The following ADAMTS8 variants were observed in gnomAD, a reference collection of about 807,000 sequenced individuals.
ADAMTS8 encodes the protein A disintegrin and metalloproteinase with thrombospondin motifs 8.
In ADAMTS8, 50 loss-of-function variants were observed where a neutral mutation model predicts 64.4. The observed-to-expected ratio is 0.78, with a 90% confidence interval of 0.62 to 0.98. ADAMTS8 has a LOEUF of 0.98. Among genes scored for constraint, ADAMTS8 ranks in the 50% least tolerant of loss-of-function variants. The probability of loss-of-function intolerance (pLI) is 0.00; values close to 1 mark genes in which losing one functional copy is unlikely to be tolerated. For missense variants in ADAMTS8, 1,192 were observed against 1,208.2 expected (o/e 0.99, Z 0.20); for synonymous variants, 556 against 533.6 (o/e 1.04, Z -0.58).
rs976624815 is a variant in ADAMTS8, at chr11:130,405,798, A to T, written c.2430T>A (p.Asn810Lys). Residue 810 changes from asparagine (N) to lysine (K), a missense_variant, in exon 9 of 9, where the codon AAT (asparagine) becomes AAA (lysine). Physicochemically the swap from Asn to Lys is moderately conservative, Grantham distance 94 (BLOSUM62 0). Around this residue, in one of 5 missense-constraint regions of ADAMTS8, gnomAD observed 147 missense variants for 154.1 expected, o/e 0.95. Transcript: ENST00000257359. ...TGCTCTGCATGCTAAAGTCCACGTCATTAGGAACAAAGAAGGTGTATTTGA... is the reference window on the plus strand; with the variant it reads ...TGCTCTGCATGCTAAAGTCCACGTCTTTAGGAACAAAGAAGGTGTATTTGA... ...PKVKYTFFVP[N>K]DVDFSMQSSK... 1.2e-6 allele frequency: 2 copies of T among 1,613,966 alleles called. No homozygotes were observed. Among genetic ancestry groups the T allele is most frequent in the Non-Finnish European group, 1.7e-6 (2 of 1,180,052 alleles).
chr11:130,407,335 C>T (rs906915815), intron 8 of ADAMTS8, among the ~76,000 whole-genome samples: 1 of 152,090 alleles, frequency 6.6e-6, no homozygotes, highest in Admixed American at 6.6e-5. Context: ...CACCGCACTC[C>T]AGCCTAGGCA....
In ADAMTS8 at chr11:130,411,537, C is replaced by T; in HGVS notation, c.1630G>A (p.Gly544Arg). ...PWGECSRTCG[G>R]GVQFSHRECK... ...TCACGGTGTGAAAACTGTACTCCTC[C>T]TCCACAGGTCCGAGAACATTCTCCC... The change falls in exon 6 of 9, where the codon GGA becomes AGA. Residue 544 changes from glycine to arginine, a missense_variant. Transcript: ENST00000257359. The surrounding 1 kb of genome is among the most constrained non-coding windows in gnomAD (Gnocchi z 4.2). The T allele has an allele frequency of 6.2e-7, 1 of 1,614,188 alleles. No homozygotes were observed. The highest frequency in any genetic ancestry group is 8.5e-7 in the Non-Finnish European group (1 of 1,180,036).
chr11:130,425,662 G>A (rs1208500744), intron 1 of ADAMTS8, among the ~76,000 whole-genome samples: 4 of 150,432 alleles, frequency 2.7e-5, no homozygotes, highest in Admixed American at 1.3e-4. Context: ...GTGCAGTGGC[G>A]CGGTCTCCGC....
rs1255445380 is a variant in ADAMTS8 at position 130,408,872 on chromosome 11, G to T, written c.1819C>A (p.Leu607Ile). The T allele has an allele frequency of 3.7e-6, 6 of 1,611,196 alleles. No individual in the cohort carries two copies. In the South Asian group the frequency reaches 4.4e-5, roughly 12 times the overall value. ...GCATACTTGGGGACCCACTGCAGGA[G>T]ATTCCCGTCCATGTCAGTGTAATTG... ...AYNYTDMDGN[L>I]LQWVPKYAGV... Residue 607 changes from leucine to isoleucine, a missense_variant, in exon 7 of 9, where the codon CTC becomes ATC. By Grantham distance (5) the Leu-to-Ile change is conservative (BLOSUM62 2). Coordinates refer to ENST00000257359, the MANE Select transcript of ADAMTS8 (RefSeq NM_007037.6).
chr11:130,428,153 C>A lies in ADAMTS8; in HGVS notation c.134G>T (p.Arg45Leu), dbSNP rs1862204590. The change falls in exon 1 of 9, where the codon CGG (arginine) becomes CTG (leucine). Residue 45 changes from arginine (R) to leucine (L), a missense_variant. By Grantham distance (102) the Arg-to-Leu change is moderately radical (BLOSUM62 -2). Transcript: ENST00000257359. ...GQASELVVPT[R>L]LPGSAGELAL... ...GAGCTCGCCCGCGCTGCCGGGCAAC[C>A]GCGTGGGCACCACCAGCTCCGAGGC... 2.0e-6 allele frequency: 3 copies of A among 1,477,614 alleles called. No homozygotes were observed. In the South Asian group the frequency reaches 3.9e-5, roughly 19 times the overall value. The allele number at this position is 1,477,614 out of a possible 1,614,324, so 91.5% of individuals were successfully genotyped here.
chr11:130,414,154 C>T (rs1247823158), intron 5 of ADAMTS8, among the ~76,000 whole-genome samples: 2 of 147,886 alleles, frequency 1.4e-5, no homozygotes, highest in African/African-American at 2.5e-5. Flanking sequence ...GACAGGGTCT[C>T]CCTCTGTTGC....
Position 130,414,987 on chromosome 11 carries a change from A to G in ADAMTS8, c.1265-155T>C, listed in dbSNP as rs190627769. On this transcript the variant is annotated intron_variant, in intron 4 of 8. Transcript: ENST00000257359. ...CACCACTTGATGATCTAGTGAGAGC[A>G]TGCCTAATTTTTGACTATCAGTTGC... Among the ~76,000 whole-genome samples, 3 of 152,336 alleles carry G rather than the reference A, an allele frequency of 2.0e-5. No individual in the cohort carries two copies. The East Asian group carries it at 5.8e-4, about 29-fold the overall frequency.
In ADAMTS8 at chr11:130,427,971, C is replaced by T. The variant is rs1862197388; in HGVS notation, c.316G>A (p.Val106Met). The change falls in exon 1 of 9, where the codon GTG (valine) becomes ATG (methionine). Residue 106 changes from valine to methionine, a missense_variant. Around this residue, in one of 5 missense-constraint regions of ADAMTS8, gnomAD observed 741 missense variants for 710.6 expected, o/e 1.04. Transcript: ENST00000257359. ...GLRGCFFSGT[V>M]NGEPESLAAV... ...GCCAGCGACTCGGGCTCCCCATTCA[C>T]GGTGCCGGAGAAGAAGCAGCCGCGC... 4 of 1,531,494 alleles carry T rather than the reference C, an allele frequency of 2.6e-6. No individual in the cohort carries two copies. The South Asian group carries it at 3.6e-5, about 14-fold the overall frequency. 94.9% of individuals were successfully genotyped at this position (1,531,494 alleles called of 1,614,324 possible). A position where few individuals can be genotyped will look rare whatever the true frequency, so the allele number is the denominator to read the frequency against.
Position 130,405,846 on chromosome 11 carries a change from A to G in ADAMTS8, c.2382T>C (p.Pro794=). 7.4e-6 allele frequency: 12 copies of G among 1,614,048 alleles called. No individual in the cohort carries two copies. Among genetic ancestry groups the G allele is most frequent in the Non-Finnish European group, 1.0e-5 (12 of 1,180,056 alleles). ...TGACTTTTGGGGGGAAGACCTCGCC[A>G]GGGACTGTCAGGAGCTGCACTGTCA... ...EPLTVQLLTV[P]GEVFPPKVKY... is the part of the protein sequence containing the mutation. Residue 794 remains proline (P), a synonymous_variant, in exon 9 of 9, where the codon CCT becomes CCC. Transcript: ENST00000257359.
In ADAMTS8 at chr11:130,416,119, A is replaced by T; in HGVS notation, c.1264+44T>A. Reference sequence around the variant, plus strand: ...GGGTCTCTGCGCCAGCACCAGTGGAAGGAGGCCCACGGGGACAAGTAGGGC... The same window carrying T: ...GGGTCTCTGCGCCAGCACCAGTGGATGGAGGCCCACGGGGACAAGTAGGGC... On this transcript the variant is annotated intron_variant, in intron 4 of 8. Coordinates refer to ENST00000257359, the MANE Select transcript of ADAMTS8 (RefSeq NM_007037.6). The surrounding 1 kb of genome is among the most constrained non-coding windows in gnomAD (Gnocchi z 4.8). 1 of 1,515,724 alleles carries T rather than the reference A, an allele frequency of 6.6e-7. No individual in the cohort carries two copies. The highest frequency in any genetic ancestry group is 8.9e-7 in the Non-Finnish European group (1 of 1,129,178). The allele number at this position is 1,515,724 out of a possible 1,614,324, so 93.9% of individuals were successfully genotyped here.
At chr11:130,413,232 C>T (rs1861975406) in intron 5 of ADAMTS8, among the ~76,000 whole-genome samples, 2 of 152,248 alleles carry the variant, frequency 1.3e-5, no homozygotes, top group South Asian at 2.1e-4. Flanking sequence ...GATCATTTCA[C>T]GTCAACCTCT....
intron 1 of ADAMTS8, among the ~76,000 whole-genome samples, chr11:130,425,151 T>C (rs995288295): frequency 4.6e-5 from 7 of 152,060 alleles, no homozygotes; most frequent in African/African-American, 1.7e-4. Flanking sequence ...AGGAGTCTCA[T>C]GAGGATGGCA....
intron 4 of ADAMTS8, among the ~76,000 whole-genome samples, chr11:130,415,203 T>G (rs1862005674): frequency 6.6e-6 from 1 of 152,244 alleles, no homozygotes; most frequent in African/African-American, 2.4e-5. Context: ...TATTTTTGCA[T>G]CATACATGTC....
chr11:130,409,985 T>C (rs1861933047), intron 6 of ADAMTS8, among the ~76,000 whole-genome samples: 1 of 152,226 alleles, frequency 6.6e-6, no homozygotes. Flanking sequence ...AGATACTGTG[T>C]CAGCCTTCAA....
At chr11:130,427,344 G>A (rs1030879475) in intron 1 of ADAMTS8, among the ~76,000 whole-genome samples, 1 of 152,242 alleles carries the variant, frequency 6.6e-6, no homozygotes, top group African/African-American at 2.4e-5. Context: ...CTGGGGGTGG[G>A]GGCGCAGGGA....
intron 2 of ADAMTS8, among the ~76,000 whole-genome samples, chr11:130,418,344 G>C (rs910965870): frequency 1.3e-5 from 2 of 150,746 alleles, no homozygotes; most frequent in African/African-American, 5.0e-5. Flanking sequence ...TCCTAGGGCT[G>C]GCTGCATCCT....
At chr11:130,409,699 C>T (rs1861929558) in intron 6 of ADAMTS8, among the ~76,000 whole-genome samples, 1 of 152,240 alleles carries the variant, frequency 6.6e-6, no homozygotes, top group African/African-American at 2.4e-5. Context: ...GGGACCTGTG[C>T]CTGCCTCCTC....
rs1461204314 is a variant in ADAMTS8, at chr11:130,406,763, T to C, written c.2100-635A>G. Among the ~76,000 whole-genome samples the C allele has an allele frequency of 3.9e-5, 6 of 152,328 alleles. No homozygotes were observed. The South Asian group carries it at 1.0e-3, about 26-fold the overall frequency. ...CATGAGCACTGTGCTTCTGGAATGATAGGAAGCAGTTTTGGGAAACTGTTT... is the reference window on the plus strand; with the variant it reads ...CATGAGCACTGTGCTTCTGGAATGACAGGAAGCAGTTTTGGGAAACTGTTT... On this transcript the variant is annotated intron_variant, in intron 8 of 8. Coordinates refer to ENST00000257359, the MANE Select transcript of ADAMTS8 (RefSeq NM_007037.6).
In ADAMTS8 at chr11:130,428,288, G is replaced by T; in HGVS notation, c.-2C>A. The T allele has an allele frequency of 8.2e-7, 1 of 1,225,312 alleles. No homozygotes were observed. Among genetic ancestry groups the T allele is most frequent in the Non-Finnish European group, 1.0e-6 (1 of 982,938 alleles). The allele number at this position is 1,225,312 out of a possible 1,614,324, so 75.9% of individuals were successfully genotyped here. A position where few individuals can be genotyped will look rare whatever the true frequency, so the allele number is the denominator to read the frequency against. On this transcript the variant is annotated 5_prime_UTR_variant, in exon 1 of 9. Transcript: ENST00000257359. ...GGGGGCGGCGGGGGCGGGGAGCATGGGGGCTGCGGCGGTGGCTGCGCGCAG... is the reference window on the plus strand; with the variant it reads ...GGGGGCGGCGGGGGCGGGGAGCATGTGGGCTGCGGCGGTGGCTGCGCGCAG...
Sources: allele counts gnomAD v4.1 joint callset (sites outside exome capture counted in the v4.1 genomes callset), GRCh38; gene constraint gnomAD v4.1.1; regional missense constraint gnomAD v4.1.1; non-coding constraint Gnocchi (gnomAD v3.1); transcripts MANE v1.5; gene names NCBI Gene and HGNC (gene_info 2026-07-23, HGNC 2026-07-21).